Variants in ATP8B1 observed in about 807,000 individuals in gnomAD.
The protein encoded by ATP8B1 is phospholipid-transporting ATPase IC.
A neutral mutation model predicts 149.9 loss-of-function variants in ATP8B1; 80 were observed. The observed-to-expected ratio is 0.53, with a 90% CI of 0.45 to 0.64. The LOEUF is 0.64. Among genes scored for constraint, ATP8B1 ranks in the 30% least tolerant of loss-of-function variants. ATP8B1 has a pLI of 0.00. For synonymous variants in ATP8B1, 536 were observed against 562.8 expected (o/e 0.95, Z 0.67); for missense variants, 1,247 against 1,552.6 (o/e 0.80, Z 3.31).
chr18:57,785,506 G>A (rs747897116), intron 1 of ATP8B1, among the ~76,000 whole-genome samples: 9 of 152,030 alleles, frequency 5.9e-5, no homozygotes, highest in Non-Finnish European at 1.0e-4. Context: ...GTTTTGTCTC[G>A]TTCTGTTTTG....
rs768443626 is a variant in ATP8B1, at chr18:57,654,042, T to C, written c.2965A>G (p.Asn989Asp). ...ACGGGCAGGCTGGTGTACAGCACGT[T>C]GTAGAGGGTGATGAACCAATCCTCG... ...AYEDWFITLY[N>D]VLYTSLPVLL... is the part of the protein sequence containing the mutation. Residue 989 changes from asparagine to aspartate, a missense_variant, in exon 24 of 28, where the codon AAC becomes GAC. By Grantham distance (23) the Asn-to-Asp change is conservative. Transcript: ENST00000648908. 1.2e-6 allele frequency: 2 copies of C among 1,614,016 alleles called. No homozygotes were observed. Among genetic ancestry groups the C allele is most frequent in the Non-Finnish European group, 8.5e-7 (1 of 1,179,996 alleles).
At chr18:57,764,270 CCTTCCTTCCTTCTTTCTTTCTTCTTTT>C (rs2080185247) in intron 1 of ATP8B1, among the ~76,000 whole-genome samples, 8 of 151,810 alleles carry the variant, frequency 5.3e-5, no homozygotes, top group Non-Finnish European at 8.8e-5. Flanking sequence ...TTCTTTCCTT[CCTTCCTTCCTTCTTTCTTTCTTCTTTT>C]CTTCCTTCCT....
intron 23 of ATP8B1, 92 bp downstream of exon 23, chr18:57,655,102 T>C: frequency 8.2e-7 from 1 of 1,221,992 alleles, no homozygotes; most frequent in Non-Finnish European, 1.2e-6. Context: ...AAACTACAAA[T>C]ATAGAAGAAA....
chr18:57,739,279 T>G (rs1281034846), intron 1 of ATP8B1, among the ~76,000 whole-genome samples: 2 of 152,168 alleles, frequency 1.3e-5, no homozygotes, highest in African/African-American at 2.4e-5. Flanking sequence ...ATTACAGGCA[T>G]GAGCCACCAT....
At chr18:57,727,189 C>A (rs894478609) in intron 2 of ATP8B1, among the ~76,000 whole-genome samples, 2 of 152,154 alleles carry the variant, frequency 1.3e-5, no homozygotes, top group Non-Finnish European at 1.5e-5. Flanking sequence ...CCTCACCCTG[C>A]GGCTTTACAA....
chr18:57,799,718 A>G (rs907662011), intron 1 of ATP8B1, among the ~76,000 whole-genome samples: 5 of 151,964 alleles, frequency 3.3e-5, no homozygotes, highest in Admixed American at 6.6e-5. Flanking sequence ...AAAAAAAAAA[A>G]AAAGAAAATG....
chr18:57,759,724 C>G (rs1396780423), intron 1 of ATP8B1, among the ~76,000 whole-genome samples: 5 of 151,452 alleles, frequency 3.3e-5, no homozygotes. Context: ...GAGGCTGAGG[C>G]AGGAGAACGG....
chr18:57,780,007 G>A (rs970700307), intron 1 of ATP8B1, among the ~76,000 whole-genome samples: 4 of 151,986 alleles, frequency 2.6e-5, no homozygotes, highest in Non-Finnish European at 5.9e-5. Context: ...AAATCACCAC[G>A]GCATATAAAT....
At chr18:57,785,392 C>A (rs188526654) in intron 1 of ATP8B1, among the ~76,000 whole-genome samples, 18 of 152,318 alleles carry the variant, frequency 1.2e-4, no homozygotes, top group Non-Finnish European at 2.4e-4. Context: ...TAAGTAGATG[C>A]TTAAAACAAA....
At chr18:57,776,422 A>T (rs2080306436) in intron 1 of ATP8B1, among the ~76,000 whole-genome samples, 2 of 152,242 alleles carry the variant, frequency 1.3e-5, no homozygotes, top group Non-Finnish European at 2.9e-5. Flanking sequence ...TTCACCTTGC[A>T]GGAAAGAAAC....
In ATP8B1 at chr18:57,802,728, C is replaced by T. The variant is rs956424032; in HGVS notation, c.-26+270G>A. ...AACCCAAACACCCCGAGATTTCCCT[C>T]CTCTAGGCAGGTGAAAACCCCACGG... On this transcript the variant is annotated intron_variant, in intron 1 of 27. Coordinates refer to ENST00000648908, the MANE Select transcript of ATP8B1 (RefSeq NM_001374385.1). The surrounding 1 kb of genome is among the most constrained non-coding windows in gnomAD (Gnocchi z 4.9). Among the ~76,000 whole-genome samples, 4 of 152,226 alleles carry T rather than the reference C, an allele frequency of 2.6e-5. No individual in the cohort carries two copies. Among genetic ancestry groups the T allele is most frequent in the Non-Finnish European group, 5.9e-5 (4 of 68,036 alleles).
intron 15 of ATP8B1, among the ~76,000 whole-genome samples, chr18:57,677,607 A>T (rs144188580): frequency 1.3e-5 from 2 of 152,242 alleles, no homozygotes; most frequent in East Asian, 3.9e-4. Context: ...AGTCAATATT[A>T]ATCACTTCCT....
intron 1 of ATP8B1, among the ~76,000 whole-genome samples, chr18:57,791,473 C>A (rs531807574): frequency 6.6e-6 from 1 of 150,954 alleles, no homozygotes. Context: ...GTCATAGCCT[C>A]CCGAGTAGCT....
intron 1 of ATP8B1, among the ~76,000 whole-genome samples, chr18:57,746,676 A>G (rs1355881442): frequency 1.3e-5 from 2 of 151,822 alleles, no homozygotes; most frequent in Non-Finnish European, 2.9e-5. Context: ...GGGTTTTACC[A>G]TATTGGCCAG....
In ATP8B1 at chr18:57,646,692, C is replaced by A. The variant is rs747148347; in HGVS notation, c.*1796G>T. The A allele has an allele frequency of 1.3e-5, 2 of 152,496 alleles. No individual in the cohort carries two copies. Among genetic ancestry groups the A allele is most frequent in the African/African-American group, 2.4e-5 (1 of 41,406 alleles). 9.4% of individuals were successfully genotyped at this position (152,496 alleles called of 1,614,324 possible). A position where few individuals can be genotyped will look rare whatever the true frequency, so the allele number is the denominator to read the frequency against. ...TTTCTGTAAAAAAAGAAAAAACTTA[C>A]AATTTTTTATTTACAAGTTAAGGAA... On this transcript the variant is annotated 3_prime_UTR_variant, in exon 28 of 28. Transcript: ENST00000648908.
chr18:57,755,167 A>T (rs1237804236), intron 1 of ATP8B1, among the ~76,000 whole-genome samples: 1 of 152,228 alleles, frequency 6.6e-6, no homozygotes, highest in Non-Finnish European at 1.5e-5. Context: ...TTTACCAACA[A>T]TGTGTAATTG....
intron 12 of ATP8B1, 96 bp downstream of exon 12, chr18:57,691,711 C>A (rs566151883): frequency 6.9e-7 from 1 of 1,442,722 alleles, no homozygotes; most frequent in South Asian, 1.3e-5. Flanking sequence ...TTCTTTGTGA[C>A]CTTTGAAACA....
At chr18:57,754,104 T>C (rs189916549) in intron 1 of ATP8B1, among the ~76,000 whole-genome samples, 1 of 152,184 alleles carries the variant, frequency 6.6e-6, no homozygotes, top group East Asian at 1.9e-4. Flanking sequence ...ATATTTAGCA[T>C]TTACTTGTTC....
At chr18:57,732,842 C>CGTAAGCCA (rs11281348) in intron 1 of ATP8B1, among the ~76,000 whole-genome samples, 1 of 152,110 alleles carries the variant, frequency 6.6e-6, no homozygotes, top group Non-Finnish European at 1.5e-5. Flanking sequence ...GGATTACAGG[C>CGTAAGCCA]CCGCGCCCGG....
Sources: allele counts gnomAD v4.1 joint callset (sites outside exome capture counted in the v4.1 genomes callset), GRCh38; gene constraint gnomAD v4.1.1; non-coding constraint Gnocchi (gnomAD v3.1); transcripts MANE v1.5; gene names NCBI Gene and HGNC (gene_info 2026-07-23, HGNC 2026-07-21).